The following SMYD3 variants were observed in gnomAD, a reference collection of about 807,000 sequenced individuals.
The protein encoded by SMYD3 is histone-lysine N-methyltransferase SMYD3.
A neutral mutation model predicts 57.7 loss-of-function variants in SMYD3; 36 were observed. The observed-to-expected ratio is 0.62, with a 90% CI of 0.48 to 0.82. SMYD3 has a LOEUF of 0.82. Among genes scored for constraint, SMYD3 ranks in the 40% least tolerant of loss-of-function variants. The pLI, the probability that SMYD3 is intolerant of heterozygous loss-of-function variation, is 0.00. For missense variants in SMYD3, 515 were observed against 538.8 expected, an observed-to-expected ratio of 0.96 and a Z score of 0.44; for synonymous variants, 211 against 195.0, an observed-to-expected ratio of 1.08 and a Z score of -0.68.
At chr1:245,767,999 T>C (rs114467184) in intron 10 of SMYD3, among the ~76,000 whole-genome samples, 3,996 of 152,306 alleles carry the variant, frequency 0.026, 93 homozygotes, top group Middle Eastern at 0.044. Context: ...AGAAAGGTTA[T>C]GCAGCTGATT....
intron 5 of SMYD3, among the ~76,000 whole-genome samples, chr1:246,219,721 T>G (rs6699888): frequency 0.27 from 40,404 of 152,060 alleles, 6,114 homozygotes; most frequent in East Asian, 0.58. Context: ...GGGGCTTTCG[T>G]GGTCACAGGC....
intron 5 of SMYD3, among the ~76,000 whole-genome samples, chr1:245,957,074 A>C (rs2057867275): frequency 6.6e-6 from 1 of 152,244 alleles, no homozygotes; most frequent in Admixed American, 6.5e-5. Flanking sequence ...AACCACCAAT[A>C]GGCATGTATT....
rs551164391 is a variant in SMYD3 at position 245,918,758 on chromosome 1, C to T, written c.703-3118G>A. ...TACAGGAGGTGAGGTAGCAAATGAG[C>T]GCATCCCTATGTCCCCTCTTGGGTT... On this transcript the variant is annotated intron_variant, in intron 7 of 11. Transcript: ENST00000490107. 5.9e-5 allele frequency among the ~76,000 whole-genome samples: 9 copies of T among 152,294 alleles called. No individual in the cohort carries two copies. The East Asian group carries it at 7.7e-4, about 13-fold the overall frequency.
At chr1:246,071,953 GT>G (rs58091101) in intron 5 of SMYD3, among the ~76,000 whole-genome samples, 17 of 137,732 alleles carry the variant, frequency 1.2e-4, no homozygotes, top group Non-Finnish European at 1.6e-4. Flanking sequence ...GATGCTTCCT[GT>G]TAGTTCTGGG....
At chr1:245,751,074 T>C (rs1452728450) in intron 11 of SMYD3, among the ~76,000 whole-genome samples, 3 of 152,252 alleles carry the variant, frequency 2.0e-5, no homozygotes, top group Non-Finnish European at 4.4e-5. Flanking sequence ...TGTTAATTTA[T>C]AGCCAGAAGA....
At chr1:245,820,983 C>T (rs904676109) in intron 10 of SMYD3, among the ~76,000 whole-genome samples, 40 of 151,060 alleles carry the variant, frequency 2.6e-4, no homozygotes, top group African/African-American at 8.9e-4. Flanking sequence ...AGGTAATTTA[C>T]AGATTCAATG....
Position 245,928,044 on chromosome 1 carries a change from A to T in SMYD3, c.600-11T>A. The T allele has an allele frequency of 6.2e-7, 1 of 1,606,280 alleles. No individual in the cohort carries two copies. Among genetic ancestry groups the T allele is most frequent in the African/African-American group, 1.3e-5 (1 of 74,862 alleles). ...TTGAGCAAAGAGATACTGGAAAAAA[A>T]AAGGGGGGAAGACTGTCACAGCTCA... is the stretch of plus-strand genomic sequence containing the variant. On this transcript the variant is annotated splice_polypyrimidine_tract_variant and intron_variant, in intron 6 of 11. Transcript: ENST00000490107.
intron 5 of SMYD3, among the ~76,000 whole-genome samples, chr1:246,047,843 GGA>G (rs1491486687): frequency 2.1e-5 from 2 of 94,190 alleles, no homozygotes; most frequent in East Asian, 4.6e-3. Context: ...TGTAGCAGAA[GGA>G]AAAAAAAAAA....
intron 5 of SMYD3, chr1:246,321,917 ATT>A (rs36096285): frequency 1.3e-5 from 2 of 150,684 alleles, no homozygotes; most frequent in Non-Finnish European, 1.5e-5. Context: ...CTCTCAGCTA[ATT>A]TTTTTTTTAA....
intron 7 of SMYD3, among the ~76,000 whole-genome samples, chr1:245,924,808 G>A (rs1297847019): frequency 6.6e-6 from 1 of 151,874 alleles, no homozygotes; most frequent in Non-Finnish European, 1.5e-5. Context: ...GATTACAGGT[G>A]TGCGCCACCA....
intron 7 of SMYD3, among the ~76,000 whole-genome samples, chr1:245,925,245 G>A (rs2056288002): frequency 1.3e-5 from 2 of 152,084 alleles, no homozygotes; most frequent in African/African-American, 4.8e-5. Flanking sequence ...TATTTATGGG[G>A]TCCAGGTACT....
At chr1:245,971,482 T>C (rs149856731) in intron 5 of SMYD3, among the ~76,000 whole-genome samples, 4 of 152,300 alleles carry the variant, frequency 2.6e-5, no homozygotes, top group South Asian at 4.1e-4. Flanking sequence ...GAGTAGCTCA[T>C]TGCACCCAAA....
chr1:246,265,386 T>C (rs1344837381), intron 5 of SMYD3, among the ~76,000 whole-genome samples: 2 of 152,028 alleles, frequency 1.3e-5, no homozygotes, highest in Non-Finnish European at 2.9e-5. Flanking sequence ...CAAACCTCCC[T>C]CCTTGGCCTC....
At chr1:245,876,997 A>T (rs1432088336) in intron 8 of SMYD3, among the ~76,000 whole-genome samples, 2 of 152,098 alleles carry the variant, frequency 1.3e-5, no homozygotes, top group Admixed American at 1.3e-4. Flanking sequence ...GGAGAAGAGG[A>T]TGCATGAGTT....
chr1:246,123,361 A>T (rs890198887), intron 5 of SMYD3, among the ~76,000 whole-genome samples: 1 of 152,088 alleles, frequency 6.6e-6, no homozygotes, highest in African/African-American at 2.4e-5. Flanking sequence ...AGGCCAAGAG[A>T]TCGAGACCAT....
Position 245,880,397 on chromosome 1 carries a change from C to T in SMYD3, c.814-16511G>A, listed in dbSNP as rs754343281. Among the ~76,000 whole-genome samples the T allele has an allele frequency of 8.7e-4, 132 of 152,166 alleles. 2 individuals carry two copies. The highest frequency in any genetic ancestry group is 3.2e-4 in the Non-Finnish European group (22 of 68,044). ...TGGCTGGCTGAACAACCAACTATAT[C>T]TTAGGATTAACTGATGTCAGCCTTG... On this transcript the variant is annotated intron_variant, in intron 8 of 11. Coordinates refer to ENST00000490107, the MANE Select transcript of SMYD3 (RefSeq NM_001167740.2).
At chr1:245,840,032 C>A (rs1316691211) in intron 10 of SMYD3, among the ~76,000 whole-genome samples, 1 of 151,560 alleles carries the variant, frequency 6.6e-6, no homozygotes, top group African/African-American at 2.4e-5. Flanking sequence ...AGGGATAATC[C>A]CTAGAGCATA....
At chr1:246,403,466 G>A (rs2066807879) in intron 1 of SMYD3, among the ~76,000 whole-genome samples, 1 of 152,196 alleles carries the variant, frequency 6.6e-6, no homozygotes, top group African/African-American at 2.4e-5. Context: ...CACATACCAA[G>A]AAAAATATAT....
At chr1:246,454,880 C>G (rs1317935765) in intron 1 of SMYD3, among the ~76,000 whole-genome samples, 1 of 152,148 alleles carries the variant, frequency 6.6e-6, no homozygotes, top group African/African-American at 2.4e-5. Flanking sequence ...AAAATAGGCA[C>G]ATTGAGCTCT....
Sources: gnomAD v4.1 joint callset for allele counts (sites outside exome capture counted in the v4.1 genomes callset) on GRCh38, gnomAD v4.1.1 for gene constraint, MANE v1.5 for transcripts, NCBI Gene and HGNC (gene_info 2026-07-23, HGNC 2026-07-21) for gene names.